Variants in MAGI1 observed in about 807,000 individuals in gnomAD.
MAGI1 encodes the protein membrane associated guanylate kinase, WW and PDZ domain containing 1.
A neutral mutation model predicts 139.9 loss-of-function variants in MAGI1; 58 were observed. The ratio of observed to expected loss-of-function variants is 0.41; its 90% CI spans 0.34 to 0.52. The LOEUF is 0.52. MAGI1 is among the 20% of genes least tolerant of loss of function. The probability of loss-of-function intolerance (pLI) is 0.12; values close to 1 mark genes in which losing one functional copy is unlikely to be tolerated. For synonymous variants in MAGI1, 812 were observed against 737.9 expected, an observed-to-expected ratio of 1.10 and a Z score of -1.63; for missense variants, 1,874 against 1,901.6, an observed-to-expected ratio of 0.99 and a Z score of 0.27.
chr3:65,398,820 G>A (rs1320739038), intron 13 of MAGI1, among the ~76,000 whole-genome samples: 2 of 152,136 alleles, frequency 1.3e-5, no homozygotes, highest in East Asian at 1.9e-4. Flanking sequence ...TTTTTATTAA[G>A]ATACTGCCAT....
chr3:65,462,200 A>C (rs1949844408), intron 5 of MAGI1, among the ~76,000 whole-genome samples: 1 of 152,124 alleles, frequency 6.6e-6, no homozygotes, highest in South Asian at 2.1e-4. Flanking sequence ...GCCCATGCCT[A>C]TGTCCGGAAA....
chr3:66,038,637 TC>T lies in MAGI1; in HGVS notation c.-330del. ...GCCGCTCGGGTTATTTTTTTTTCCT[TC>T]CTTCCTTTCTCTCTTGCCTTTTACA... On this transcript the variant is annotated 5_prime_UTR_variant, in exon 1 of 23. Coordinates refer to ENST00000402939, the MANE Select transcript of MAGI1 (RefSeq NM_001033057.2). 2 of 282,066 alleles carry T rather than the reference TC, an allele frequency of 7.1e-6. No individual in the cohort carries two copies. The highest frequency in any genetic ancestry group is 1.3e-5 in the Non-Finnish European group (2 of 152,510). 17.5% of individuals were successfully genotyped at this position (282,066 alleles called of 1,614,324 possible).
At chr3:65,406,026 T>C (rs542396194) in intron 12 of MAGI1, among the ~76,000 whole-genome samples, 3 of 152,160 alleles carry the variant, frequency 2.0e-5, no homozygotes, top group South Asian at 4.1e-4. Flanking sequence ...ACGCCCGGCC[T>C]CTATACTGCT....
At chr3:65,365,554 A>C (rs554769780) in intron 18 of MAGI1, among the ~76,000 whole-genome samples, 17 of 152,328 alleles carry the variant, frequency 1.1e-4, no homozygotes, top group Non-Finnish European at 2.4e-4. Context: ...AGTAATAGCT[A>C]TATGTTCTTT....
chr3:65,706,113 G>A (rs1254950662), intron 1 of MAGI1, among the ~76,000 whole-genome samples: 1 of 152,092 alleles, frequency 6.6e-6, no homozygotes, highest in Non-Finnish European at 1.5e-5. Context: ...TCAATGTAAT[G>A]AAAACATTAG....
intron 5 of MAGI1, among the ~76,000 whole-genome samples, chr3:65,456,462 C>T (rs1949397257): frequency 6.6e-6 from 1 of 151,482 alleles, no homozygotes; most frequent in South Asian, 2.1e-4. Flanking sequence ...AGTCTGTAAA[C>T]ATTTTCTCTG....
chr3:65,705,236 A>C (rs2029981181), intron 1 of MAGI1, among the ~76,000 whole-genome samples: 1 of 152,222 alleles, frequency 6.6e-6, no homozygotes, highest in Admixed American at 6.5e-5. Context: ...TAATGTTTTC[A>C]GAGTATGTTA....
chr3:65,865,517 G>C (rs915595251), intron 1 of MAGI1, among the ~76,000 whole-genome samples: 1 of 152,176 alleles, frequency 6.6e-6, no homozygotes, highest in African/African-American at 2.4e-5. Flanking sequence ...GATCACTTGA[G>C]CCTGGAGGCA....
At chr3:65,574,858 A>G (rs915781091) in intron 2 of MAGI1, among the ~76,000 whole-genome samples, 12 of 152,074 alleles carry the variant, frequency 7.9e-5, no homozygotes, top group Non-Finnish European at 1.5e-4. Flanking sequence ...TAAGTGGAGA[A>G]AGGAAATCTT....
At chr3:65,543,139 G>C (rs955475420) in intron 2 of MAGI1, among the ~76,000 whole-genome samples, 11 of 151,830 alleles carry the variant, frequency 7.2e-5, no homozygotes, top group African/African-American at 2.7e-4. Flanking sequence ...ATGTGGCCAA[G>C]AAACATGAAA....
intron 18 of MAGI1, chr3:65,365,254 G>A: frequency 1.8e-6 from 1 of 545,360 alleles, no homozygotes; most frequent in East Asian, 4.4e-5. Context: ...CTCCTCCCCT[G>A]CCACTGAAAA....
intron 1 of MAGI1, among the ~76,000 whole-genome samples, chr3:65,764,154 C>G (rs1384138452): frequency 5.3e-5 from 8 of 151,670 alleles, no homozygotes; most frequent in Admixed American, 5.3e-4. Flanking sequence ...TATGGTCTTC[C>G]GTTTCCTTTT....
At chr3:65,508,211 G>A (rs534057074) in intron 2 of MAGI1, among the ~76,000 whole-genome samples, 142 of 152,208 alleles carry the variant, frequency 9.3e-4, no homozygotes, top group African/African-American at 2.6e-3. Context: ...ACACCATCCT[G>A]GCTAACACGG....
intron 1 of MAGI1, among the ~76,000 whole-genome samples, chr3:65,921,991 G>A (rs1224923697): frequency 2.6e-5 from 4 of 151,312 alleles, no homozygotes; most frequent in Admixed American, 6.6e-5. Context: ...ATGCATTTTG[G>A]TTAGATATGA....
intron 1 of MAGI1, among the ~76,000 whole-genome samples, chr3:65,997,578 C>A (rs955133884): frequency 2.2e-4 from 33 of 152,052 alleles, no homozygotes; most frequent in Admixed American, 3.9e-4. Flanking sequence ...ATGGCATGAA[C>A]CTGGGAGGCG....
intron 1 of MAGI1, among the ~76,000 whole-genome samples, chr3:65,638,683 C>T (rs1335191628): frequency 1.4e-5 from 2 of 141,870 alleles, no homozygotes; most frequent in Admixed American, 1.5e-4. Flanking sequence ...GATCTCAGCT[C>T]ACTGCAACCT....
At chr3:65,726,825 A>C (rs989845686) in intron 1 of MAGI1, among the ~76,000 whole-genome samples, 1 of 152,166 alleles carries the variant, frequency 6.6e-6, no homozygotes, top group African/African-American at 2.4e-5. Context: ...TCCCCAGGCA[A>C]GTATCACCAT....
chr3:65,873,094 T>C (rs1325550377), intron 1 of MAGI1: 2 of 152,192 alleles, frequency 1.3e-5, no homozygotes, highest in African/African-American at 4.8e-5. Context: ...ATAAAAATAA[T>C]CAGAATCCAT....
intron 8 of MAGI1, among the ~76,000 whole-genome samples, chr3:65,442,086 T>TTA (rs1280523602): frequency 6.6e-6 from 1 of 151,686 alleles, no homozygotes; most frequent in Non-Finnish European, 1.5e-5. Context: ...CAAAGCTTTT[T>TTA]TTTTTTTTCA....
Sources: allele counts gnomAD v4.1 joint callset (sites outside exome capture counted in the v4.1 genomes callset), GRCh38; gene constraint gnomAD v4.1.1; transcripts MANE v1.5; gene names NCBI Gene and HGNC (gene_info 2026-07-23, HGNC 2026-07-21).